Variants in KLF12 observed in about 807,000 individuals in gnomAD.
The protein encoded by KLF12 is Krueppel-like factor 12.
In KLF12, 9 loss-of-function variants were observed where a neutral mutation model predicts 37.8. The observed-to-expected ratio is 0.24, with a 90% CI of 0.14 to 0.42. The LOEUF is 0.42. KLF12 is among the 10% of genes least tolerant of loss of function. KLF12 has a pLI of 1.00. For missense variants in KLF12, 411 were observed against 516.0 expected (o/e 0.80, Z 1.97); for synonymous variants, 208 against 202.1 (o/e 1.03, Z -0.25).
At chr13:73,876,152 T>C (rs200747204) in intron 3 of KLF12, among the ~76,000 whole-genome samples, 2 of 120,146 alleles carry the variant, frequency 1.7e-5, no homozygotes, top group African/African-American at 6.5e-5. Context: ...TCAGCTAAAA[T>C]AAAAAAAAAA....
At chr13:73,956,713 G>C (rs562339608) in intron 2 of KLF12, among the ~76,000 whole-genome samples, 1 of 152,130 alleles carries the variant, frequency 6.6e-6, no homozygotes, top group East Asian at 1.9e-4. Context: ...TTGAGCCCAG[G>C]AGTTTCAGAC....
chr13:74,155,455 G>C, the KLF12 span, among the ~76,000 whole-genome samples: 8 of 151,340 alleles, frequency 5.3e-5, no homozygotes, highest in Non-Finnish European at 1.0e-4. Flanking sequence ...TCCACCTCCC[G>C]GGTTCAAGCA....
At chr13:74,215,631 C>G in the KLF12 span, among the ~76,000 whole-genome samples, 2 of 152,142 alleles carry the variant, frequency 1.3e-5, no homozygotes, top group Non-Finnish European at 2.9e-5. Flanking sequence ...GATGGCCTTT[C>G]TTTGGGAATC....
At chr13:73,720,423 A>C (rs1277376785) in intron 6 of KLF12, among the ~76,000 whole-genome samples, 1 of 152,236 alleles carries the variant, frequency 6.6e-6, no homozygotes, top group Non-Finnish European at 1.5e-5. Context: ...TTGCATAATC[A>C]TTAGTAATAA....
chr13:74,207,565 A>G, the KLF12 span, among the ~76,000 whole-genome samples: 1 of 152,180 alleles, frequency 6.6e-6, no homozygotes, highest in Non-Finnish European at 1.5e-5. Flanking sequence ...AATCCCAGCT[A>G]CTTGGGAGGC....
intron 3 of KLF12, among the ~76,000 whole-genome samples, chr13:73,866,344 AG>A (rs1186450477): frequency 6.6e-6 from 1 of 152,200 alleles, no homozygotes; most frequent in Non-Finnish European, 1.5e-5. Flanking sequence ...GTGGAGAGAA[AG>A]AATAGGGAAA....
chr13:73,787,665 T>C (rs1657120807), intron 5 of KLF12, among the ~76,000 whole-genome samples: 1 of 152,228 alleles, frequency 6.6e-6, no homozygotes, highest in African/African-American at 2.4e-5. Context: ...ACATGGAAGT[T>C]TGGGGATTGG....
At chr13:74,033,393 T>C (rs1893164669) in intron 1 of KLF12, among the ~76,000 whole-genome samples, 1 of 152,206 alleles carries the variant, frequency 6.6e-6, no homozygotes, top group African/African-American at 2.4e-5. Context: ...TGGAGTTATT[T>C]AGCCCCCTGT....
At chr13:74,263,446 G>T in the KLF12 span, among the ~76,000 whole-genome samples, 1 of 152,190 alleles carries the variant, frequency 6.6e-6, no homozygotes, top group African/African-American at 2.4e-5. Flanking sequence ...TTGGGTTTGA[G>T]ATCATTGCTT....
At chr13:73,700,876 A>G (rs1874506894) in intron 7 of KLF12, among the ~76,000 whole-genome samples, 1 of 152,214 alleles carries the variant, frequency 6.6e-6, no homozygotes, top group Non-Finnish European at 1.5e-5. Flanking sequence ...TGTGCTTTGA[A>G]GCAATTTAAA....
At chr13:73,698,283 G>A (rs1208648523) in intron 7 of KLF12, among the ~76,000 whole-genome samples, 1 of 152,116 alleles carries the variant, frequency 6.6e-6, no homozygotes, top group African/African-American at 2.4e-5. Flanking sequence ...GTGAAGGAAG[G>A]GGTTCCATAA....
the KLF12 span, among the ~76,000 whole-genome samples, chr13:74,239,858 C>G: frequency 6.6e-6 from 1 of 151,790 alleles, no homozygotes; most frequent in Non-Finnish European, 1.5e-5. Context: ...AGATGGGTCT[C>G]CTGAATACAG....
At chr13:74,257,654 C>T in the KLF12 span, 2 of 152,176 alleles carry the variant, frequency 1.3e-5, no homozygotes, top group African/African-American at 4.8e-5. Flanking sequence ...ACCTGGGGGA[C>T]TGCGAGCTTG....
At position 73,722,807 on chromosome 13, in the gene KLF12, T is replaced by G. The variant is rs567837879; in HGVS notation, c.870-7282A>C. On this transcript the variant is annotated intron_variant, in intron 6 of 7. Transcript: ENST00000377669. ...GTTTTCCATATGAACAGAATGCGTC[T>G]AAAATGCATATTTAATTATTGTTTT... Among the ~76,000 whole-genome samples, 5 of 152,378 alleles carry G rather than the reference T, an allele frequency of 3.3e-5. No homozygotes were observed. In the South Asian group the frequency reaches 1.0e-3, roughly 32 times the overall value.
chr13:73,749,813 C>T (rs1404609992), intron 6 of KLF12, among the ~76,000 whole-genome samples: 1 of 152,136 alleles, frequency 6.6e-6, no homozygotes, highest in East Asian at 1.9e-4. Flanking sequence ...CTTTCTAAAG[C>T]ATGAATAAAA....
intron 3 of KLF12, among the ~76,000 whole-genome samples, chr13:73,911,448 G>A (rs1001696154): frequency 3.9e-5 from 6 of 152,200 alleles, no homozygotes; most frequent in African/African-American, 1.4e-4. Flanking sequence ...TAGTGGATAT[G>A]CAGGATAATC....
At chr13:74,291,741 A>C in the KLF12 span, among the ~76,000 whole-genome samples, 1,061 of 152,304 alleles carry the variant, frequency 7.0e-3, 6 homozygotes, top group South Asian at 0.013. Flanking sequence ...ATGTATCTAC[A>C]CCTTAGTGAG....
chr13:73,770,407 A>G (rs925075242), intron 5 of KLF12, among the ~76,000 whole-genome samples: 1 of 152,196 alleles, frequency 6.6e-6, no homozygotes, highest in Admixed American at 6.5e-5. Flanking sequence ...GAAATGCCAT[A>G]TATTTTTAAA....
At chr13:73,799,739 A>G (rs1331918092) in intron 5 of KLF12, among the ~76,000 whole-genome samples, 2 of 152,108 alleles carry the variant, frequency 1.3e-5, no homozygotes, top group Admixed American at 6.6e-5. Context: ...TTCCTATTAT[A>G]TATTAGAAAA....
Sources: allele counts gnomAD v4.1 joint callset (sites outside exome capture counted in the v4.1 genomes callset), GRCh38; gene constraint gnomAD v4.1.1; transcripts MANE v1.5; gene names NCBI Gene and HGNC (gene_info 2026-07-23, HGNC 2026-07-21).